RHOT1: variants seen among roughly 807,000 people sequenced by gnomAD.
RHOT1 encodes mitochondrial Rho GTPase 1.
RHOT1 carries 27 observed loss-of-function variants against 95.3 expected under a neutral mutation model. The ratio of observed to expected loss-of-function variants is 0.28; its 90% confidence interval spans 0.21 to 0.39. The LOEUF (loss-of-function observed/expected upper bound fraction) is 0.39, where lower values mean the gene tolerates loss of function less well. Ranked by LOEUF, RHOT1 falls within the 10% of genes least tolerant of loss-of-function variation. The probability of loss-of-function intolerance (pLI) is 1.00; values close to 1 mark genes in which losing one functional copy is unlikely to be tolerated. For missense variants in RHOT1, 578 were observed against 786.7 expected (o/e 0.73, Z 3.17); for synonymous variants, 227 against 263.5 (o/e 0.86, Z 1.34).
chr17:32,198,689 G>A (rs6505289), intron 11 of RHOT1, among the ~76,000 whole-genome samples: 43,054 of 152,086 alleles, frequency 0.28, 8,072 homozygotes, highest in African/African-American at 0.54. Flanking sequence ...AGCCCGGGCA[G>A]CAGAGTGAGA....
chr17:32,173,695 A>C (rs2034760905), intron 2 of RHOT1, 136 bp from the exon 3 acceptor site: 2 of 646,324 alleles, frequency 3.1e-6, no homozygotes, highest in Non-Finnish European at 5.4e-6. Flanking sequence ...CCTGGACCAT[A>C]GAGTGAGACT....
At chr17:32,167,804 A>T (rs1194357923) in intron 1 of RHOT1, among the ~76,000 whole-genome samples, 2 of 152,180 alleles carry the variant, frequency 1.3e-5, no homozygotes, top group East Asian at 3.8e-4. Flanking sequence ...GGAGACCAAG[A>T]CAGGAGGATT....
chr17:32,186,499 A>G (rs2036064423), intron 8 of RHOT1, among the ~76,000 whole-genome samples: 8 of 151,542 alleles, frequency 5.3e-5, no homozygotes, highest in Admixed American at 5.3e-4. Flanking sequence ...GGGTAGCTGG[A>G]ACTACAGGCG....
chr17:32,204,543 GA>G (rs58323302), intron 16 of RHOT1, among the ~76,000 whole-genome samples: 449 of 54,860 alleles, frequency 8.2e-3, no homozygotes, highest in African/African-American at 0.014. Flanking sequence ...TCCATCTCCA[GA>G]AAAAAAAAAA....
chr17:32,206,192 C>CTTTTTTTTTTTTT (rs71144812), intron 16 of RHOT1, among the ~76,000 whole-genome samples: 4 of 60,518 alleles, frequency 6.6e-5, no homozygotes, highest in African/African-American at 3.1e-4. Flanking sequence ...TCCATAGAAT[C>CTTTTTTTTTTTTT]TTTTTTTTTT....
chr17:32,221,672 T>C (rs1482980877), intron 19 of RHOT1, among the ~76,000 whole-genome samples: 3 of 152,240 alleles, frequency 2.0e-5, no homozygotes, highest in Admixed American at 6.5e-5. Flanking sequence ...ACTGTGACAT[T>C]GATGGAGCCA....
chr17:32,190,860 A>G (rs182510815), intron 8 of RHOT1, among the ~76,000 whole-genome samples: 2 of 152,310 alleles, frequency 1.3e-5, no homozygotes, highest in Non-Finnish European at 1.5e-5. Context: ...CAGTGATGGA[A>G]TATCGGCTCA....
In RHOT1 at chr17:32,209,949, G is replaced by GA. The variant is rs968185494; in HGVS notation, c.1740-1158dup. 3.5e-4 allele frequency among the ~76,000 whole-genome samples: 51 copies of GA among 143,778 alleles called. No individual in the cohort carries two copies. The South Asian group carries it at 5.3e-3, about 15-fold the overall frequency. The allele number at this position is 143,778 out of a possible 152,430, so 94.3% of individuals were successfully genotyped here. A position where few individuals can be genotyped will look rare whatever the true frequency, so the allele number is the denominator to read the frequency against. ...TTCATCATCACAAGTCAAAAAAAAT[G>GA]AAAAAAAAATGAAAAAGGAATGTCT... is the stretch of plus-strand genomic sequence containing the variant. On this transcript the variant is annotated intron_variant, in intron 18 of 19. Coordinates refer to ENST00000545287, the MANE Select transcript of RHOT1 (RefSeq NM_001033566.3).
rs147202963 is a variant in RHOT1, at chr17:32,203,811, T to G, written c.1333-79T>G. On this transcript the variant is annotated intron_variant, in intron 15 of 19. Transcript: ENST00000545287. ...AATGCCCTTTTATTTATAACACACCTGCACATATACACAGAGATGTTTGTA... is the reference window on the plus strand; with the variant it reads ...AATGCCCTTTTATTTATAACACACCGGCACATATACACAGAGATGTTTGTA... 402 of 961,572 alleles carry G rather than the reference T, an allele frequency of 4.2e-4. 1 individual carries two copies. In the African/African-American group the frequency reaches 5.4e-3, roughly 13 times the overall value. The allele number at this position is 961,572 out of a possible 1,614,324, so 59.6% of individuals were successfully genotyped here.
At chr17:32,223,598 A>G (rs980911104) in intron 19 of RHOT1, among the ~76,000 whole-genome samples, 2 of 151,726 alleles carry the variant, frequency 1.3e-5, no homozygotes, top group African/African-American at 4.8e-5. Flanking sequence ...TATTTTTAGT[A>G]GAGACGGGGT....
intron 19 of RHOT1, 70 bp from the exon 20 acceptor site, chr17:32,224,546 T>A: frequency 9.4e-7 from 1 of 1,061,728 alleles, no homozygotes; most frequent in Non-Finnish European, 1.4e-6. Flanking sequence ...AAAAGTAGAC[T>A]GCTAAATAAC....
At chr17:32,149,045 G>A (rs2031814497) in intron 1 of RHOT1, among the ~76,000 whole-genome samples, 1 of 152,184 alleles carries the variant, frequency 6.6e-6, no homozygotes, top group Non-Finnish European at 1.5e-5. Context: ...TTCTGTCCTT[G>A]TGGATAATTG....
chr17:32,150,614 A>G, intron 1 of RHOT1: 1 of 1,587,510 alleles, frequency 6.3e-7, no homozygotes, highest in South Asian at 1.1e-5. Context: ...TTTGTGAGTG[A>G]GAGATACTGA....
At chr17:32,196,198 T>C (rs1477179800) in intron 11 of RHOT1, among the ~76,000 whole-genome samples, 1 of 148,418 alleles carries the variant, frequency 6.7e-6, no homozygotes, top group Non-Finnish European at 1.5e-5. Context: ...TTTTTTTTTT[T>C]TGAGACAGGG....
At chr17:32,145,573 T>G (rs1055632597) in intron 1 of RHOT1, among the ~76,000 whole-genome samples, 1 of 152,216 alleles carries the variant, frequency 6.6e-6, no homozygotes, top group Non-Finnish European at 1.5e-5. Flanking sequence ...TTTCTGCTCC[T>G]GCTTTCCTCC....
chr17:32,219,188 C>T (rs1233120082), intron 19 of RHOT1, among the ~76,000 whole-genome samples: 2 of 152,144 alleles, frequency 1.3e-5, no homozygotes, highest in South Asian at 2.1e-4. Context: ...CTCTGGAGCT[C>T]CTCTGAGTAA....
chr17:32,164,539 C>G (rs965070629), intron 1 of RHOT1, among the ~76,000 whole-genome samples: 1 of 151,934 alleles, frequency 6.6e-6, no homozygotes, highest in Non-Finnish European at 1.5e-5. Context: ...GACTAACATC[C>G]CAATTTTTAA....
At chr17:32,188,903 G>C (rs978014822) in intron 8 of RHOT1, among the ~76,000 whole-genome samples, 3 of 152,072 alleles carry the variant, frequency 2.0e-5, no homozygotes, top group African/African-American at 4.8e-5. Context: ...TCTTATTCCT[G>C]GTTTACTTTT....
intron 1 of RHOT1, among the ~76,000 whole-genome samples, chr17:32,147,751 C>T (rs1468747132): frequency 6.7e-6 from 1 of 149,162 alleles, no homozygotes; most frequent in South Asian, 2.1e-4. Flanking sequence ...ACCCAGGAGG[C>T]GGAGGGTGCA....
Sources: gnomAD v4.1 joint callset for allele counts (sites outside exome capture counted in the v4.1 genomes callset) on GRCh38, gnomAD v4.1.1 for gene constraint, MANE v1.5 for transcripts, NCBI Gene and HGNC (gene_info 2026-07-23, HGNC 2026-07-21) for gene names.